Variants in LARP1 observed in about 807,000 individuals in gnomAD.
The protein encoded by LARP1 is la-related protein 1.
Under a neutral mutation model 122.7 loss-of-function variants are expected in LARP1, and 36 were observed. The observed-to-expected ratio is 0.29, with a 90% CI of 0.22 to 0.39. The LOEUF (loss-of-function observed/expected upper bound fraction) is 0.39, where lower values mean the gene tolerates loss of function less well. LARP1 is among the 10% of genes least tolerant of loss of function. The pLI, the probability that LARP1 is intolerant of heterozygous loss-of-function variation, is 1.00. For missense variants in LARP1, 1,040 were observed against 1,403.6 expected, an observed-to-expected ratio of 0.74 and a Z score of 4.14; for synonymous variants, 539 against 528.7, an observed-to-expected ratio of 1.02 and a Z score of -0.27.
intron 1 of LARP1, chr5:154,756,664 G>C (rs1273453389): frequency 8.4e-6 from 2 of 237,764 alleles, no homozygotes; most frequent in Non-Finnish European, 1.4e-5. Context: ...CCCAGTGCCC[G>C]GCGCGGAGTA....
At chr5:154,759,593 T>C (rs1158515816) in intron 1 of LARP1, among the ~76,000 whole-genome samples, 1 of 152,210 alleles carries the variant, frequency 6.6e-6, no homozygotes, top group Non-Finnish European at 1.5e-5. Context: ...CTCAGGGATA[T>C]GAGGAAAAGC....
intron 1 of LARP1, among the ~76,000 whole-genome samples, chr5:154,704,972 G>C (rs1363372839): frequency 6.6e-6 from 1 of 151,894 alleles, no homozygotes; most frequent in Non-Finnish European, 1.5e-5. Context: ...ACAAAAATTA[G>C]CTGGGCCTGG....
chr5:154,774,837 C>A lies in LARP1; in HGVS notation c.437-15488C>A, dbSNP rs559245700. Among the ~76,000 whole-genome samples, 13 of 152,266 alleles carry A rather than the reference C, an allele frequency of 8.5e-5. No homozygotes were observed. The East Asian group carries it at 2.5e-3, about 29-fold the overall frequency. On this transcript the variant is annotated intron_variant, in intron 1 of 18. Transcript: ENST00000518297. Reference sequence around the variant, plus strand: ...GTCTGGTCACTTCTTTTACAGAAAACCAAGTCTGTATTTTGACCAAAGTCT... The same window carrying A: ...GTCTGGTCACTTCTTTTACAGAAAAACAAGTCTGTATTTTGACCAAAGTCT...
intron 1 of LARP1, among the ~76,000 whole-genome samples, chr5:154,757,990 A>AC: frequency 6.8e-6 from 1 of 146,526 alleles, no homozygotes; most frequent in South Asian, 2.2e-4. Flanking sequence ...CCTCCTATCC[A>AC]CCCACAGAGT....
At chr5:154,692,596 T>G (rs1176560707) in intron 1 of LARP1, among the ~76,000 whole-genome samples, 1 of 152,090 alleles carries the variant, frequency 6.6e-6, no homozygotes, top group East Asian at 1.9e-4. Flanking sequence ...AAAGCCCAAA[T>G]CAAAGGCCAT....
intron 1 of LARP1, among the ~76,000 whole-genome samples, chr5:154,734,224 C>T (rs1217260715): frequency 1.3e-5 from 2 of 151,222 alleles, no homozygotes; most frequent in African/African-American, 2.4e-5. Context: ...TAATTCATGA[C>T]GAGCACAAGT....
intron 1 of LARP1, among the ~76,000 whole-genome samples, chr5:154,696,267 G>C (rs1161882159): frequency 6.6e-6 from 1 of 152,148 alleles, no homozygotes; most frequent in Non-Finnish European, 1.5e-5. Context: ...TGAGGTGGGA[G>C]AATTGCTTGA....
At chr5:154,774,006 C>T (rs899025712) in intron 1 of LARP1, among the ~76,000 whole-genome samples, 11 of 151,800 alleles carry the variant, frequency 7.2e-5, no homozygotes, top group African/African-American at 2.2e-4. Flanking sequence ...CACTTTGTGA[C>T]AAGAACGTCA....
chr5:154,804,686 T>A (rs568781886), intron 14 of LARP1: 60 of 425,766 alleles, frequency 1.4e-4, no homozygotes, highest in Non-Finnish European at 2.6e-4. Flanking sequence ...TTTTAAAAAT[T>A]AAAAAAATAC....
chr5:154,688,083 T>C (rs931809468), intron 1 of LARP1, among the ~76,000 whole-genome samples: 2 of 151,888 alleles, frequency 1.3e-5, no homozygotes, highest in African/African-American at 4.8e-5. Flanking sequence ...CACAGTGAAA[T>C]GGGTTGGTTT....
chr5:154,788,033 C>T (rs903501751), intron 1 of LARP1, among the ~76,000 whole-genome samples: 2 of 152,214 alleles, frequency 1.3e-5, no homozygotes, highest in South Asian at 2.1e-4. Context: ...GTGAAGTTGG[C>T]GTTGGTGGTA....
chr5:154,812,677 G>A lies in LARP1; in HGVS notation c.3081+1037G>A, dbSNP rs544069282. Among the ~76,000 whole-genome samples the A allele has an allele frequency of 5.3e-5, 8 of 151,866 alleles. No individual in the cohort carries two copies. In the East Asian group the frequency reaches 7.7e-4, roughly 15 times the overall value. ...TGAGATTATAGGTGCGCACCACCAC[G>A]CCTGGCTAATTTTTGTATTTTTAGT... On this transcript the variant is annotated intron_variant, in intron 18 of 18. Transcript: ENST00000518297.
chr5:154,777,354 A>G (rs1755994629), intron 1 of LARP1, among the ~76,000 whole-genome samples: 1 of 151,884 alleles, frequency 6.6e-6, no homozygotes, highest in East Asian at 1.9e-4. Flanking sequence ...CTGCTAAAAA[A>G]AAAAAAAAAT....
intron 8 of LARP1, 149 bp downstream of exon 8, chr5:154,795,468 C>T: frequency 1.4e-6 from 1 of 701,040 alleles, no homozygotes; most frequent in Non-Finnish European, 2.3e-6. Flanking sequence ...TCCTCTCCCT[C>T]CTTCCTTCCT....
At chr5:154,703,094 C>T (rs893600536) in intron 1 of LARP1, among the ~76,000 whole-genome samples, 1 of 120,480 alleles carries the variant, frequency 8.3e-6, no homozygotes, top group Non-Finnish European at 1.6e-5. Context: ...GCACTCTAGC[C>T]GGGGCAACAG....
intron 16 of LARP1, among the ~76,000 whole-genome samples, chr5:154,809,493 A>G (rs78053979): frequency 0.063 from 9,513 of 152,068 alleles, 406 homozygotes; most frequent in Non-Finnish European, 0.092. Flanking sequence ...TCTTCTTGGC[A>G]TATTTAATGT....
Position 154,802,478 on chromosome 5 carries a change from G to A in LARP1, c.2109+79G>A. 1.4e-6 allele frequency: 2 copies of A among 1,460,136 alleles called. No individual in the cohort carries two copies. Among genetic ancestry groups the A allele is most frequent in the South Asian group, 1.4e-5 (1 of 70,340 alleles). 90.4% of individuals were successfully genotyped at this position (1,460,136 alleles called of 1,614,324 possible). On this transcript the variant is annotated intron_variant, in intron 11 of 18. Coordinates refer to ENST00000518297, the MANE Select transcript of LARP1 (RefSeq NM_033551.3). The surrounding 1 kb of genome is among the most constrained non-coding windows in gnomAD (Gnocchi z 5.1). ...GAGAAGAGGAAGCCTGATTAGCTGT[G>A]CAATTTTAGGCAGGTCCTTATAATT...
chr5:154,810,732 G>A (rs1489786657), intron 16 of LARP1, among the ~76,000 whole-genome samples: 4 of 152,158 alleles, frequency 2.6e-5, no homozygotes, highest in Admixed American at 6.5e-5. Context: ...AGTGATCTGC[G>A]TGCCTTGGCC....
At chr5:154,700,363 T>C (rs914097968) in intron 1 of LARP1, among the ~76,000 whole-genome samples, 3 of 151,904 alleles carry the variant, frequency 2.0e-5, no homozygotes, top group Admixed American at 2.0e-4. Flanking sequence ...TTCATATTAA[T>C]TTTCATCTTA....
Sources: gnomAD v4.1 joint callset for allele counts (sites outside exome capture counted in the v4.1 genomes callset) on GRCh38, gnomAD v4.1.1 for gene constraint, Gnocchi (gnomAD v3.1) non-coding constraint, MANE v1.5 for transcripts, NCBI Gene and HGNC (gene_info 2026-07-23, HGNC 2026-07-21) for gene names.